Variants in TRAPPC9 observed in about 807,000 individuals in gnomAD.
TRAPPC9 encodes the protein IKK2 binding protein.
A neutral mutation model predicts 124.0 loss-of-function variants in TRAPPC9; 83 were observed. The observed-to-expected ratio is 0.67, with a 90% confidence interval of 0.56 to 0.80. The LOEUF (loss-of-function observed/expected upper bound fraction) is 0.80, where lower values mean the gene tolerates loss of function less well. Ranked by LOEUF, TRAPPC9 falls within the 30% of genes least tolerant of loss-of-function variation. The pLI is 0.00. For missense variants in TRAPPC9, 1,302 were observed against 1,508.3 expected, an observed-to-expected ratio of 0.86 and a Z score of 2.27; for synonymous variants, 638 against 617.5, an observed-to-expected ratio of 1.03 and a Z score of -0.49.
At chr8:140,392,527 CT>C (rs1337967114) in intron 7 of TRAPPC9, among the ~76,000 whole-genome samples, 11 of 152,352 alleles carry the variant, frequency 7.2e-5, no homozygotes, top group African/African-American at 1.9e-4. Flanking sequence ...CCATTTCCCC[CT>C]GTAGACCTGA....
At chr8:140,083,165 C>T (rs1435793550) in intron 17 of TRAPPC9, among the ~76,000 whole-genome samples, 1 of 151,076 alleles carries the variant, frequency 6.6e-6, no homozygotes, top group Non-Finnish European at 1.5e-5. Flanking sequence ...TGCACTCCAG[C>T]CTGGGTGACA....
At chr8:140,440,018 A>C (rs533528202) in intron 2 of TRAPPC9, among the ~76,000 whole-genome samples, 74 of 152,222 alleles carry the variant, frequency 4.9e-4, no homozygotes, top group Non-Finnish European at 9.3e-4. Context: ...AAATCCTATC[A>C]TGTGTAACTC....
intron 17 of TRAPPC9, among the ~76,000 whole-genome samples, chr8:140,029,214 C>A (rs186272438): frequency 1.2e-3 from 186 of 152,270 alleles, no homozygotes; most frequent in African/African-American, 4.2e-3. Flanking sequence ...GAATATACTC[C>A]CAAAAGATGG....
chr8:140,114,104 C>G (rs2060832897), intron 17 of TRAPPC9, among the ~76,000 whole-genome samples: 1 of 152,216 alleles, frequency 6.6e-6, no homozygotes, highest in Non-Finnish European at 1.5e-5. Flanking sequence ...AGTAGCATAG[C>G]TGGTAGCTGG....
At chr8:139,867,312 T>C (rs959386340) in intron 21 of TRAPPC9, among the ~76,000 whole-genome samples, 2 of 152,040 alleles carry the variant, frequency 1.3e-5, no homozygotes, top group African/African-American at 4.8e-5. Context: ...CACCCAGAGG[T>C]CAAATCAGGA....
At chr8:140,380,970 C>T (rs1020748228) in intron 7 of TRAPPC9, among the ~76,000 whole-genome samples, 5 of 151,788 alleles carry the variant, frequency 3.3e-5, no homozygotes, top group Non-Finnish European at 5.9e-5. Context: ...CCTGGGAGGC[C>T]GAGGCAGGTG....
intron 19 of TRAPPC9, among the ~76,000 whole-genome samples, chr8:139,978,093 GT>G (rs1481888730): frequency 9.2e-5 from 14 of 152,276 alleles, no homozygotes; most frequent in Admixed American, 5.9e-4. Flanking sequence ...GGCCAGGCTG[GT>G]CTCGAACTCC....
intron 16 of TRAPPC9, among the ~76,000 whole-genome samples, chr8:140,248,514 A>G (rs4307318): frequency 0.09 from 13,686 of 152,248 alleles, 1,327 homozygotes; most frequent in African/African-American, 0.24. Flanking sequence ...TGGTTTGTCC[A>G]CATCTACTTA....
intron 17 of TRAPPC9, among the ~76,000 whole-genome samples, chr8:140,149,623 CAA>C (rs397968262): frequency 5.4e-5 from 7 of 130,082 alleles, no homozygotes; most frequent in Admixed American, 7.6e-5. Flanking sequence ...GACTCCATCT[CAA>C]AAAAAAAAAA....
chr8:140,306,965 C>T (rs1342932248), intron 10 of TRAPPC9, among the ~76,000 whole-genome samples: 2 of 152,182 alleles, frequency 1.3e-5, no homozygotes, highest in Non-Finnish European at 2.9e-5. Context: ...TGCCTCCCAA[C>T]ACCCACTTGC....
intron 17 of TRAPPC9, among the ~76,000 whole-genome samples, chr8:140,050,961 G>A (rs189633339): frequency 7.9e-5 from 12 of 152,352 alleles, no homozygotes; most frequent in Admixed American, 5.9e-4. Context: ...CTGAAGGAAC[G>A]GAAGTCACCG....
chr8:140,307,067 C>T (rs116520194), intron 10 of TRAPPC9, among the ~76,000 whole-genome samples: 411 of 152,212 alleles, frequency 2.7e-3, no homozygotes, highest in African/African-American at 9.4e-3. Flanking sequence ...GGACTCGGTC[C>T]GATCTGAGTA....
chr8:140,024,881 G>A (rs1284223251), intron 17 of TRAPPC9, among the ~76,000 whole-genome samples: 2 of 152,224 alleles, frequency 1.3e-5, no homozygotes, highest in Non-Finnish European at 2.9e-5. Context: ...GGCTGACAGT[G>A]AGTAAAAGCC....
At chr8:139,959,037 G>A (rs1286624875) in intron 19 of TRAPPC9, among the ~76,000 whole-genome samples, 4 of 148,682 alleles carry the variant, frequency 2.7e-5, no homozygotes, top group Admixed American at 6.7e-5. Flanking sequence ...CGAGTCACAC[G>A]GGGGAGCCCT....
chr8:140,425,732 G>A (rs930189259), intron 5 of TRAPPC9, among the ~76,000 whole-genome samples: 2 of 152,070 alleles, frequency 1.3e-5, no homozygotes, highest in African/African-American at 2.4e-5. Context: ...CAGTGTTGGC[G>A]GGGCTTTCAG....
chr8:140,394,055 C>T (rs940775126), intron 7 of TRAPPC9, among the ~76,000 whole-genome samples: 18 of 152,224 alleles, frequency 1.2e-4, no homozygotes, highest in African/African-American at 4.3e-4. Flanking sequence ...AAAGGACAGG[C>T]TGCTCCAAAG....
At chr8:140,059,283 T>G (rs1648040929) in intron 17 of TRAPPC9, among the ~76,000 whole-genome samples, 1 of 152,236 alleles carries the variant, frequency 6.6e-6, no homozygotes, top group African/African-American at 2.4e-5. Flanking sequence ...TCCACGTTCT[T>G]AAGTGGAGCA....
chr8:140,115,824 G>A (rs1182553250), intron 17 of TRAPPC9, among the ~76,000 whole-genome samples: 5 of 152,228 alleles, frequency 3.3e-5, no homozygotes, highest in East Asian at 1.9e-4. Context: ...TGCTGTGCCC[G>A]GGGCCCTTGT....
chr8:140,056,843 A>T (rs1842313833), intron 17 of TRAPPC9, among the ~76,000 whole-genome samples: 1 of 152,240 alleles, frequency 6.6e-6, no homozygotes, highest in Non-Finnish European at 1.5e-5. Context: ...GCTTCTATAC[A>T]GAAAATGAAA....
Sources: gnomAD v4.1 joint callset for allele counts (sites outside exome capture counted in the v4.1 genomes callset) on GRCh38, gnomAD v4.1.1 for gene constraint, MANE v1.5 for transcripts, NCBI Gene and HGNC (gene_info 2026-07-23, HGNC 2026-07-21) for gene names.